Variants in SEMA6B observed in about 807,000 individuals in gnomAD.
The protein encoded by SEMA6B is semaphorin 6B.
Under a neutral mutation model 78.6 loss-of-function variants are expected in SEMA6B, and 47 were observed. The observed-to-expected ratio is 0.60, with a 90% CI of 0.47 to 0.76. The LOEUF (loss-of-function observed/expected upper bound fraction) is 0.76, where lower values mean the gene tolerates loss of function less well. Ranked by LOEUF, SEMA6B falls within the 30% of genes least tolerant of loss-of-function variation. SEMA6B has a pLI of 0.00. For missense variants in SEMA6B, 1,213 were observed against 1,269.9 expected, an observed-to-expected ratio of 0.96 and a Z score of 0.68; for synonymous variants, 632 against 592.2, an observed-to-expected ratio of 1.07 and a Z score of -0.98.
chr19:4,557,876 A>T (rs1179707560), intron 3 of SEMA6B, 150 bp downstream of exon 3: 6 of 672,422 alleles, frequency 8.9e-6, no homozygotes, highest in Non-Finnish European at 1.3e-5. Context: ...CGTGGCTCCC[A>T]CCTTCCTCCG....
Position 4,555,462 on chromosome 19 carries a change from G to A in SEMA6B, c.562+12C>T. 3 of 1,607,750 alleles carry A rather than the reference G, an allele frequency of 1.9e-6. No individual in the cohort carries two copies. In the East Asian group the frequency reaches 6.7e-5, roughly 36 times the overall value. On this transcript the variant is annotated intron_variant, in intron 7 of 16. Transcript: ENST00000586582. This position sits in a 1 kb window ranked among gnomAD's most constrained non-coding sequence, Gnocchi z 6.1. ...CTGGGGCTGATCAGATGGAGGTTGG[G>A]GGGGTACTTACCAGAGAAGAGGGCA...
At position 4,546,477 on chromosome 19, in the gene SEMA6B, A is replaced by G; in HGVS notation, c.1602-8T>C. The G allele has an allele frequency of 6.5e-7, 1 of 1,548,844 alleles. No individual in the cohort carries two copies. ...TGACTGCCGATACAGTTCCTAGAGC[A>G]GACCAGGGACCGAATGGGACAAGTG... On this transcript the variant is annotated splice_region_variant and splice_polypyrimidine_tract_variant and intron_variant, in intron 14 of 16. Transcript: ENST00000586582.
In SEMA6B at chr19:4,555,364, G is replaced by GAC; in HGVS notation, c.562+109_562+110insGT. The GAC allele has an allele frequency of 1.0e-6, 1 of 987,080 alleles. No individual in the cohort carries two copies. The highest frequency in any genetic ancestry group is 1.5e-6 in the Non-Finnish European group (1 of 661,698). 61.1% of individuals were successfully genotyped at this position (987,080 alleles called of 1,614,324 possible). A position where few individuals can be genotyped will look rare whatever the true frequency, so the allele number is the denominator to read the frequency against. ...TGAGAGTCTGCCCATGTCACAGCTGGGACAAGTGGTCGTCCAGCTGCCTTC... is the reference window on the plus strand; with the variant it reads ...TGAGAGTCTGCCCATGTCACAGCTGGACGACAAGTGGTCGTCCAGCTGCCTTC... On this transcript the variant is annotated intron_variant, in intron 7 of 16. Transcript: ENST00000586582. This position sits in a 1 kb window ranked among gnomAD's most constrained non-coding sequence, Gnocchi z 6.1.
chr19:4,552,525 C>T lies in SEMA6B; in HGVS notation c.886G>A (p.Gly296Arg), dbSNP rs1977359062. 5.6e-6 allele frequency: 9 copies of T among 1,612,688 alleles called. No individual in the cohort carries two copies. The highest frequency in any genetic ancestry group is 5.9e-6 in the Non-Finnish European group (7 of 1,179,954). The change falls in exon 10 of 17, where the codon GGA (glycine) becomes AGA (arginine). Residue 296 changes from glycine (G) to arginine (R), a missense_variant. By Grantham distance (125) the Gly-to-Arg change is moderately radical. Coordinates refer to ENST00000586582, the MANE Select transcript of SEMA6B (RefSeq NM_032108.4). The surrounding 1 kb of genome is among the most constrained non-coding windows in gnomAD (Gnocchi z 7.4). The stretch of plus-strand genomic sequence containing the variant: ...ACGTTGAAGTAGAAATGGGAGTCTC[C>T]GGGTACAGAGCAGTTGAGCCGCGCC... Reference protein sequence around the residue: ...LKARLNCSVPGDSHFYFNVLQ... With the variant: ...LKARLNCSVPRDSHFYFNVLQ...
intron 9 of SEMA6B, among the ~76,000 whole-genome samples, chr19:4,553,450 GGAT>G (rs1977387132): frequency 7.0e-6 from 1 of 143,658 alleles, no homozygotes; most frequent in African/African-American, 2.7e-5. Flanking sequence ...ATGGGTGAGT[GGAT>G]GGATGGATGG....
intron 14 of SEMA6B, among the ~76,000 whole-genome samples, chr19:4,547,571 G>A (rs1343639214): frequency 2.0e-5 from 3 of 152,108 alleles, no homozygotes; most frequent in Admixed American, 1.3e-4. Context: ...TTTTAGAGAC[G>A]GGGAAACAGC....
intron 12 of SEMA6B, among the ~76,000 whole-genome samples, chr19:4,549,063 T>C (rs1977247840): frequency 6.6e-6 from 1 of 152,134 alleles, no homozygotes; most frequent in African/African-American, 2.4e-5. Flanking sequence ...TGACCTCAAG[T>C]GATCCTCCCG....
chr19:4,558,203 T>A lies in SEMA6B; in HGVS notation c.122-54A>T. ...GCAAGGGCTGGGGGTGAAGAGAGGG[T>A]GGCCTGAGGTCATGCCCCTTCTAGG... On this transcript the variant is annotated intron_variant, in intron 2 of 16. Transcript: ENST00000586582. The surrounding 1 kb of genome is among the most constrained non-coding windows in gnomAD (Gnocchi z 5.1). The A allele has an allele frequency of 3.7e-6, 5 of 1,367,222 alleles. No individual in the cohort carries two copies. Among genetic ancestry groups the A allele is most frequent in the Non-Finnish European group, 3.8e-6 (4 of 1,045,918 alleles). 84.7% of individuals were successfully genotyped at this position (1,367,222 alleles called of 1,614,324 possible).
Position 4,544,693 on chromosome 19 carries a change from T to A in SEMA6B, c.1739-164A>T, listed in dbSNP as rs1251954554. The stretch of plus-strand genomic sequence containing the variant: ...CTTTGTGTGCCAGGCTGGAGTGCAG[T>A]GGGGCGATCTCGATTCACTGCAACC... On this transcript the variant is annotated intron_variant, in intron 16 of 16. Coordinates refer to ENST00000586582, the MANE Select transcript of SEMA6B (RefSeq NM_032108.4). This position sits in a 1 kb window ranked among gnomAD's most constrained non-coding sequence, Gnocchi z 5.1. Among the ~76,000 whole-genome samples the A allele has an allele frequency of 6.6e-6, 1 of 152,142 alleles. No individual in the cohort carries two copies.
Position 4,546,942 on chromosome 19 carries a change from T to A in SEMA6B, c.1602-473A>T, listed in dbSNP as rs550171188. Among the ~76,000 whole-genome samples the A allele has an allele frequency of 1.3e-3, 194 of 143,780 alleles. 1 individual carries two copies. Among genetic ancestry groups the A allele is most frequent in the East Asian group, 4.4e-3 (21 of 4,722 alleles). 94.3% of individuals were successfully genotyped at this position (143,780 alleles called of 152,430 possible). A position where few individuals can be genotyped will look rare whatever the true frequency, so the allele number is the denominator to read the frequency against. ...TTTCTTATTTTAAAATTAAAAAAAT[T>A]TTTTTAAATTAAAATTTAATTTTTT... On this transcript the variant is annotated intron_variant, in intron 14 of 16. Transcript: ENST00000586582.
At position 4,543,936 on chromosome 19, in the gene SEMA6B, G is replaced by T. The variant is rs1009435491; in HGVS notation, c.2332C>A (p.Arg778=). The part of the protein sequence containing the change: ...PTPDGRLYAA[R]PGRASHGDFP... The stretch of plus-strand genomic sequence containing the variant: ...TCGCCGTGGGAGGCGCGGCCGGGCC[G>T]GGCAGCATAGAGGCGGCCGTCGGGG... Residue 778 remains arginine, a synonymous_variant, in exon 17 of 17, where the codon CGG becomes AGG. Transcript: ENST00000586582. The T allele has an allele frequency of 8.3e-7, 1 of 1,201,402 alleles. No homozygotes were observed. Among genetic ancestry groups the T allele is most frequent in the African/African-American group, 1.6e-5 (1 of 62,932 alleles). The allele number at this position is 1,201,402 out of a possible 1,614,324, so 74.4% of individuals were successfully genotyped here. A position where few individuals can be genotyped will look rare whatever the true frequency, so the allele number is the denominator to read the frequency against.
At chr19:4,551,827 C>A (rs201807253) in intron 10 of SEMA6B, among the ~76,000 whole-genome samples, 1 of 147,752 alleles carries the variant, frequency 6.8e-6, no homozygotes, top group Non-Finnish European at 1.5e-5. Context: ...GAAACTGTCT[C>A]AAAAAAAAAA....
At position 4,556,012 on chromosome 19, in the gene SEMA6B, G is replaced by A. The variant is rs1258609706; in HGVS notation, c.447C>T (p.Phe149=). 1 of 1,614,100 alleles carries A rather than the reference G, an allele frequency of 6.2e-7. No individual in the cohort carries two copies. The highest frequency in any genetic ancestry group is 1.1e-5 in the South Asian group (1 of 91,086). Reference sequence around the variant, plus strand: ...CGCTGTAGTTGGCGCACACCGGGTTGAAGGCGTTGGAACCGCACACAAAGA... The same window carrying A: ...CGCTGTAGTTGGCGCACACCGGGTTAAAGGCGTTGGAACCGCACACAAAGA... ...STLFVCGSNA[F]NPVCANYSID... Residue 149 remains phenylalanine, a synonymous_variant, in exon 6 of 17, where the codon TTC becomes TTT. Transcript: ENST00000586582.
chr19:4,551,560 G>A (rs1013127214), intron 10 of SEMA6B, among the ~76,000 whole-genome samples: 13 of 151,652 alleles, frequency 8.6e-5, no homozygotes, highest in Non-Finnish European at 1.5e-4. Context: ...GGCCGGGTGC[G>A]GTGGCTGACG....
chr19:4,552,501 C>G lies in SEMA6B; in HGVS notation c.910G>C (p.Val304Leu). The stretch of plus-strand genomic sequence containing the variant: ...ACCACGCCCGTGACAGCCTGCAGCA[C>G]GTTGAAGTAGAAATGGGAGTCTCCG... ...VPGDSHFYFN[V>L]LQAVTGVVSL... is the part of the protein sequence containing the mutation. Residue 304 changes from valine (V) to leucine (L), a missense_variant, in exon 10 of 17, where the codon GTG becomes CTG. Transcript: ENST00000586582. The surrounding 1 kb of genome is among the most constrained non-coding windows in gnomAD (Gnocchi z 7.4). The G allele has an allele frequency of 6.2e-7, 1 of 1,612,432 alleles. No homozygotes were observed. Among genetic ancestry groups the G allele is most frequent in the Non-Finnish European group, 8.5e-7 (1 of 1,179,842 alleles).
intron 5 of SEMA6B, 123 bp downstream of exon 5, chr19:4,556,828 T>TG (rs1977483443): frequency 1.5e-6 from 1 of 662,282 alleles, no homozygotes; most frequent in Non-Finnish European, 2.2e-6. Context: ...CAGGGCTGAT[T>TG]GGGGGTGGGT....
At chr19:4,549,917 C>G (rs1007400687) in intron 12 of SEMA6B, among the ~76,000 whole-genome samples, 1 of 152,174 alleles carries the variant, frequency 6.6e-6, no homozygotes, top group Non-Finnish European at 1.5e-5. Flanking sequence ...CCAGCCCCAT[C>G]TGTCACCTCT....
Position 4,542,874 on chromosome 19 carries a change from C to G in SEMA6B, c.*727G>C, listed in dbSNP as rs1305569432. On this transcript the variant is annotated 3_prime_UTR_variant, in exon 17 of 17. Transcript: ENST00000586582. The stretch of plus-strand genomic sequence containing the variant: ...CTCCTCGTGTCTCCTGCCTGAAACC[C>G]CGGCATTGTCCCCGCTTCCCTCTGC... The G allele has an allele frequency of 1.4e-6, 1 of 702,024 alleles. No homozygotes were observed. Among genetic ancestry groups the G allele is most frequent in the Non-Finnish European group, 2.6e-6 (1 of 384,860 alleles). The allele number at this position is 702,024 out of a possible 1,614,324, so 43.5% of individuals were successfully genotyped here.
At position 4,543,543 on chromosome 19, in the gene SEMA6B, C is replaced by T. The variant is rs1334046941; in HGVS notation, c.*58G>A. On this transcript the variant is annotated 3_prime_UTR_variant, in exon 17 of 17. Transcript: ENST00000586582. ...GCCCCGGGCCCCGGCGTTCTGGCAC[C>T]GTCTCTCGCTCCTGGTTCCCGTGGC... The T allele has an allele frequency of 3.1e-6, 3 of 961,974 alleles. No individual in the cohort carries two copies. Among genetic ancestry groups the T allele is most frequent in the East Asian group, 3.3e-5 (1 of 30,636 alleles). The allele number at this position is 961,974 out of a possible 1,614,324, so 59.6% of individuals were successfully genotyped here. A position where few individuals can be genotyped will look rare whatever the true frequency, so the allele number is the denominator to read the frequency against.
Sources: allele counts gnomAD v4.1 joint callset (sites outside exome capture counted in the v4.1 genomes callset), GRCh38; gene constraint gnomAD v4.1.1; non-coding constraint Gnocchi (gnomAD v3.1); transcripts MANE v1.5; gene names NCBI Gene and HGNC (gene_info 2026-07-23, HGNC 2026-07-21).